The following EFNA5 variants were observed in gnomAD, a reference collection of about 807,000 sequenced individuals.
EFNA5 encodes the protein ephrin-A5.
A neutral mutation model predicts 22.9 loss-of-function variants in EFNA5; 5 were observed. That is an observed-to-expected ratio of 0.22 (90% CI 0.11 to 0.46). The LOEUF is 0.46. Among genes scored for constraint, EFNA5 ranks in the 20% least tolerant of loss-of-function variants. EFNA5 has a pLI of 0.99. For missense variants in EFNA5, 237 were observed against 293.3 expected, an observed-to-expected ratio of 0.81 and a Z score of 1.40; for synonymous variants, 113 against 112.2, an observed-to-expected ratio of 1.01 and a Z score of -0.04.
intron 1 of EFNA5, among the ~76,000 whole-genome samples, chr5:107,516,174 T>TTGTGTGTGTGTGTG (rs59824895): frequency 0.044 from 6,185 of 139,506 alleles, 165 homozygotes; most frequent in Admixed American, 0.06. Context: ...CTGGCTAGTT[T>TTGTGTGTGTGTGTG]TGTGTGTGTG....
At chr5:107,633,500 G>A (rs1277095922) in intron 1 of EFNA5, among the ~76,000 whole-genome samples, 2 of 152,210 alleles carry the variant, frequency 1.3e-5, no homozygotes, top group Non-Finnish European at 2.9e-5. Flanking sequence ...TCATGGCACT[G>A]CTGCGTCACA....
intron 1 of EFNA5, among the ~76,000 whole-genome samples, chr5:107,634,271 T>G (rs1750324863): frequency 6.6e-6 from 1 of 152,166 alleles, no homozygotes; most frequent in Admixed American, 6.5e-5. Flanking sequence ...ATCCAAGCAC[T>G]TTGGAAGGCC....
intron 1 of EFNA5, among the ~76,000 whole-genome samples, chr5:107,584,070 T>C (rs1382099960): frequency 6.6e-6 from 1 of 152,176 alleles, no homozygotes; most frequent in Non-Finnish European, 1.5e-5. Context: ...AGGTCACATG[T>C]AAACATTCCC....
At chr5:107,653,584 A>G (rs1436887418) in intron 1 of EFNA5, among the ~76,000 whole-genome samples, 3 of 152,158 alleles carry the variant, frequency 2.0e-5, no homozygotes, top group Non-Finnish European at 2.9e-5. Flanking sequence ...ACAACTCAAC[A>G]GGGGGAGTCC....
chr5:107,528,300 T>G (rs1339733172), intron 1 of EFNA5, among the ~76,000 whole-genome samples: 1 of 152,220 alleles, frequency 6.6e-6, no homozygotes, highest in Non-Finnish European at 1.5e-5. Flanking sequence ...GATGGGACAC[T>G]CATTATAACA....
chr5:107,404,568 A>G (rs1014698714), intron 2 of EFNA5, among the ~76,000 whole-genome samples: 1 of 152,176 alleles, frequency 6.6e-6, no homozygotes, highest in East Asian at 1.9e-4. Flanking sequence ...TCTTCGAGGC[A>G]GGTATTATTA....
At chr5:107,403,048 A>AG (rs758525185) in intron 2 of EFNA5, among the ~76,000 whole-genome samples, 5 of 152,170 alleles carry the variant, frequency 3.3e-5, no homozygotes, top group African/African-American at 7.2e-5. Context: ...GCCTCGCAGC[A>AG]GGGGGGGAAG....
chr5:107,484,437 T>C (rs369050031), intron 1 of EFNA5, among the ~76,000 whole-genome samples: 1 of 152,160 alleles, frequency 6.6e-6, no homozygotes, highest in Non-Finnish European at 1.5e-5. Flanking sequence ...AGAACTAACA[T>C]GGAAGATTTA....
rs535023345 is a variant in EFNA5 at position 107,521,124 on chromosome 5, T to C, written c.126-93615A>G. ...CGAACTCATTGTGAGTTGAAAATTA[T>C]TGTATGTAGAAAGTGCATTTAATAC... On this transcript the variant is annotated intron_variant, in intron 1 of 4. Coordinates refer to ENST00000333274, the MANE Select transcript of EFNA5 (RefSeq NM_001962.3). 5.9e-5 allele frequency among the ~76,000 whole-genome samples: 9 copies of C among 152,298 alleles called. No individual in the cohort carries two copies. The South Asian group carries it at 6.2e-4, about 11-fold the overall frequency.
rs116393178 is a variant in EFNA5 at position 107,469,684 on chromosome 5, A to G, written c.126-42175T>C. Among the ~76,000 whole-genome samples the G allele has an allele frequency of 1.0e-2, 1,521 of 152,154 alleles. 27 individuals are homozygous for G. Among genetic ancestry groups the G allele is most frequent in the African/African-American group, 0.035 (1,468 of 41,524 alleles). ...ATTTTTTTTTTTTACCACGCACCCA[A>G]GAGCTGTTTCCACATCACAAGAATC... On this transcript the variant is annotated intron_variant, in intron 1 of 4. Transcript: ENST00000333274.
At chr5:107,611,589 C>A (rs1291860173) in intron 1 of EFNA5, among the ~76,000 whole-genome samples, 1 of 152,116 alleles carries the variant, frequency 6.6e-6, no homozygotes, top group Non-Finnish European at 1.5e-5. Flanking sequence ...AAGGTTATTT[C>A]CTTTATTTTT....
chr5:107,642,052 CAG>C (rs1187730258), intron 1 of EFNA5, among the ~76,000 whole-genome samples: 2 of 152,204 alleles, frequency 1.3e-5, no homozygotes, highest in Admixed American at 1.3e-4. Flanking sequence ...CTGGCCCAAA[CAG>C]ATGGCATTTT....
At chr5:107,557,246 A>G (rs1436608063) in intron 1 of EFNA5, among the ~76,000 whole-genome samples, 2 of 151,622 alleles carry the variant, frequency 1.3e-5, no homozygotes, top group African/African-American at 4.8e-5. Context: ...TGCTTAGCAA[A>G]CATTTGTTAA....
chr5:107,487,225 A>G lies in EFNA5; in HGVS notation c.126-59716T>C, dbSNP rs1325949037. Reference sequence around the variant, plus strand: ...CACTGCTGTGCCTGTAATGGCCCCCACTCCCTCTTCCCCCCGGGTGAACAC... The same window carrying G: ...CACTGCTGTGCCTGTAATGGCCCCCGCTCCCTCTTCCCCCCGGGTGAACAC... On this transcript the variant is annotated intron_variant, in intron 1 of 4. Coordinates refer to ENST00000333274, the MANE Select transcript of EFNA5 (RefSeq NM_001962.3). 2.0e-5 allele frequency among the ~76,000 whole-genome samples: 3 copies of G among 151,668 alleles called. No homozygotes were observed. The East Asian group carries it at 5.8e-4, about 29-fold the overall frequency.
chr5:107,601,712 G>A (rs550572916), intron 1 of EFNA5, among the ~76,000 whole-genome samples: 6 of 152,226 alleles, frequency 3.9e-5, no homozygotes, highest in Non-Finnish European at 8.8e-5. Flanking sequence ...ATTGTGCAAG[G>A]TGCTCCAAAT....
chr5:107,556,790 A>AAATAAATAAAAT (rs142616864), intron 1 of EFNA5, among the ~76,000 whole-genome samples: 18 of 140,548 alleles, frequency 1.3e-4, no homozygotes, highest in African/African-American at 4.0e-4. Flanking sequence ...ATAAATAAAT[A>AAATAAATAAAAT]AAATAAAATA....
chr5:107,381,159 C>T lies in EFNA5; in HGVS notation c.*96G>A. On this transcript the variant is annotated 3_prime_UTR_variant, in exon 5 of 5. Transcript: ENST00000333274. ...CAAAAATCTGACATCTGCCAAAACC[C>T]AATAACAAGTCCCTTCTTAGGATGA... is the stretch of plus-strand genomic sequence containing the variant. The T allele has an allele frequency of 6.8e-7, 1 of 1,468,954 alleles. No individual in the cohort carries two copies. The highest frequency in any genetic ancestry group is 9.1e-7 in the Non-Finnish European group (1 of 1,093,492). The allele number at this position is 1,468,954 out of a possible 1,614,324, so 91.0% of individuals were successfully genotyped here.
At chr5:107,438,413 T>G (rs1561386414) in intron 1 of EFNA5, among the ~76,000 whole-genome samples, 1 of 152,262 alleles carries the variant, frequency 6.6e-6, no homozygotes, top group East Asian at 1.9e-4. Context: ...CCAAGACCCC[T>G]TTTCAGCCCC....
intron 1 of EFNA5, among the ~76,000 whole-genome samples, chr5:107,560,088 A>C (rs1748503787): frequency 6.6e-6 from 1 of 152,178 alleles, no homozygotes; most frequent in Non-Finnish European, 1.5e-5. Flanking sequence ...GATTTACTCT[A>C]TTTTCTCAAA....
Sources: gnomAD v4.1 joint callset for allele counts (sites outside exome capture counted in the v4.1 genomes callset) on GRCh38, gnomAD v4.1.1 for gene constraint, MANE v1.5 for transcripts, NCBI Gene and HGNC (gene_info 2026-07-23, HGNC 2026-07-21) for gene names.